The following APLF variants were observed in gnomAD, a reference collection of about 807,000 sequenced individuals.
APLF encodes the protein aprataxin and PNKP like factor, also known as aprataxin and PNK-like factor.
Under a neutral mutation model 55.6 loss-of-function variants are expected in APLF, and 61 were observed. The observed-to-expected ratio is 1.10, with a 90% confidence interval of 0.89 to 1.36. APLF has a LOEUF of 1.36. APLF is among the 40% of genes most tolerant of loss of function. The pLI is 0.00. For missense variants in APLF, 611 were observed against 602.5 expected, an observed-to-expected ratio of 1.01 and a Z score of -0.15; for synonymous variants, 207 against 214.8, an observed-to-expected ratio of 0.96 and a Z score of 0.32.
Position 68,513,582 on chromosome 2 carries a change from A to T in APLF, c.524A>T (p.Gln175Leu). Residue 175 changes from glutamine (Q) to leucine (L), a missense_variant, in exon 5 of 10, where the codon CAG (glutamine) becomes CTG (leucine). Coordinates refer to ENST00000303795, the MANE Select transcript of APLF (RefSeq NM_173545.3). The stretch of plus-strand genomic sequence containing the variant: ...GGTGAAAATAGAGACTGCAATAAGC[A>T]GCAGCCAATCCTTGCCGAGAGGAAA... ...FLGENRDCNK[Q>L]QPILAERKRI... 6.2e-7 allele frequency: 1 copy of T among 1,611,544 alleles called. No homozygotes were observed. The highest frequency in any genetic ancestry group is 1.3e-5 in the African/African-American group (1 of 74,914).
In APLF at chr2:68,579,148, T is replaced by A; in HGVS notation, c.*1126T>A. ...TAAAGGAACCTAAAAATTTATATCT[T>A]AAAAGATCAAAACATATTTATAATA... On this transcript the variant is annotated 3_prime_UTR_variant, in exon 10 of 10. Coordinates refer to ENST00000303795, the MANE Select transcript of APLF (RefSeq NM_173545.3). 1.2e-6 allele frequency: 1 copy of A among 830,722 alleles called. No individual in the cohort carries two copies. The highest frequency in any genetic ancestry group is 1.5e-6 in the Non-Finnish European group (1 of 689,246). The allele number at this position is 830,722 out of a possible 1,614,324, so 51.5% of individuals were successfully genotyped here.
At chr2:68,549,251 G>A (rs762695383) in intron 8 of APLF, among the ~76,000 whole-genome samples, 4 of 151,880 alleles carry the variant, frequency 2.6e-5, no homozygotes, top group Non-Finnish European at 5.9e-5. Flanking sequence ...TTTGCATTTT[G>A]TTGATTGTAT....
intron 9 of APLF, among the ~76,000 whole-genome samples, chr2:68,574,080 T>TAA (rs74533891): frequency 1.2e-4 from 16 of 129,620 alleles, no homozygotes; most frequent in Non-Finnish European, 1.7e-4. Flanking sequence ...TAACCCAAAT[T>TAA]AAAAAAAAAA....
intron 5 of APLF, among the ~76,000 whole-genome samples, chr2:68,516,989 T>C (rs1669606104): frequency 8.1e-6 from 1 of 122,826 alleles, no homozygotes; most frequent in Non-Finnish European, 1.6e-5. Context: ...TAATTATATA[T>C]AATAATATAT....
chr2:68,574,577 A>G (rs536075269), intron 9 of APLF, among the ~76,000 whole-genome samples: 1 of 152,346 alleles, frequency 6.6e-6, no homozygotes, highest in South Asian at 2.1e-4. Flanking sequence ...GCCACGTTGA[A>G]TTCTGTTACA....
intron 6 of APLF, among the ~76,000 whole-genome samples, chr2:68,533,681 G>A (rs1304790286): frequency 6.6e-6 from 1 of 152,122 alleles, no homozygotes; most frequent in Admixed American, 6.5e-5. Context: ...GAATGGCTGG[G>A]GGCTGGCTGG....
In APLF at chr2:68,467,814, G is replaced by C; in HGVS notation, c.83G>C (p.Gly28Ala). 4.1e-6 allele frequency: 5 copies of C among 1,233,326 alleles called. No homozygotes were observed. Among genetic ancestry groups the C allele is most frequent in the Non-Finnish European group, 5.1e-6 (5 of 988,138 alleles). The allele number at this position is 1,233,326 out of a possible 1,614,324, so 76.4% of individuals were successfully genotyped here. ...LAPGETVIGR[G>A]PLLGITDKRV... ...CCCGGGGAGACGGTGATCGGCCGCG[G>C]GCCGCTGCTGGGAGTAAGTGTGGGC... Residue 28 changes from glycine to alanine, a missense_variant, in exon 1 of 10, where the codon GGG (glycine) becomes GCG (alanine). Physicochemically the swap from Gly to Ala is moderately conservative, Grantham distance 60. Transcript: ENST00000303795.
chr2:68,523,546 G>A (rs72835038), intron 5 of APLF, among the ~76,000 whole-genome samples: 2,988 of 151,842 alleles, frequency 0.02, 54 homozygotes, highest in Non-Finnish European at 0.032. Flanking sequence ...AGAAATATAC[G>A]CATGCAATAG....
chr2:68,545,341 C>T (rs1205024271), intron 8 of APLF, 29 bp downstream of exon 8: 3 of 1,590,848 alleles, frequency 1.9e-6, no homozygotes, highest in East Asian at 4.5e-5. Flanking sequence ...TGGCTGCACT[C>T]CTTTTCTTTC....
chr2:68,484,015 C>G (rs1464058964), intron 1 of APLF, among the ~76,000 whole-genome samples: 1 of 152,104 alleles, frequency 6.6e-6, no homozygotes, highest in Non-Finnish European at 1.5e-5. Context: ...TTACTTTATT[C>G]AGGGTTGTTT....
chr2:68,578,619 G>T lies in APLF; in HGVS notation c.*597G>T. On this transcript the variant is annotated 3_prime_UTR_variant, in exon 10 of 10. Coordinates refer to ENST00000303795, the MANE Select transcript of APLF (RefSeq NM_173545.3). ...TTCAACTAGGCTGTAGAAGAGAAAT[G>T]TTCACCATGTAGGGAATGTTATTTT... The T allele has an allele frequency of 1.2e-5, 12 of 985,298 alleles. No individual in the cohort carries two copies. The highest frequency in any genetic ancestry group is 1.4e-5 in the Non-Finnish European group (12 of 829,870). 61.0% of individuals were successfully genotyped at this position (985,298 alleles called of 1,614,324 possible). A position where few individuals can be genotyped will look rare whatever the true frequency, so the allele number is the denominator to read the frequency against.
intron 7 of APLF, 93 bp from the exon 8 acceptor site, chr2:68,545,094 C>T (rs930779801): frequency 6.7e-5 from 95 of 1,425,094 alleles, no homozygotes; most frequent in Non-Finnish European, 2.6e-5. Flanking sequence ...TCAAGGATAG[C>T]CAGATGTGGA....
intron 3 of APLF, among the ~76,000 whole-genome samples, chr2:68,507,316 A>T (rs771383143): frequency 6.6e-6 from 1 of 151,932 alleles, no homozygotes; most frequent in African/African-American, 2.4e-5. Flanking sequence ...TAAGAAAGGG[A>T]TCTGAACCAC....
At chr2:68,544,553 ATTG>A (rs1464550220) in intron 7 of APLF, among the ~76,000 whole-genome samples, 2 of 152,192 alleles carry the variant, frequency 1.3e-5, no homozygotes, top group African/African-American at 2.4e-5. Context: ...AGGGTTTATT[ATTG>A]TTCTATTTAA....
intron 2 of APLF, among the ~76,000 whole-genome samples, chr2:68,492,707 A>G (rs1159312283): frequency 6.6e-6 from 1 of 152,160 alleles, no homozygotes; most frequent in East Asian, 1.9e-4. Context: ...TAAAACCACT[A>G]TGTATGACAT....
intron 8 of APLF, among the ~76,000 whole-genome samples, chr2:68,550,586 G>A (rs1489569851): frequency 6.6e-6 from 1 of 151,784 alleles, no homozygotes; most frequent in Non-Finnish European, 1.5e-5. Flanking sequence ...TTTTGTATTT[G>A]TTTTCTATTT....
chr2:68,471,735 C>A (rs1675623685), intron 1 of APLF, among the ~76,000 whole-genome samples: 1 of 152,062 alleles, frequency 6.6e-6, no homozygotes, highest in Non-Finnish European at 1.5e-5. Flanking sequence ...GATATAATCA[C>A]TGATTTTTAA....
At chr2:68,467,960 C>T (rs1025487503) in intron 1 of APLF, 133 bp downstream of exon 1, 14 of 604,076 alleles carry the variant, frequency 2.3e-5, no homozygotes, top group Non-Finnish European at 3.4e-5. Context: ...AGTTTGGGGC[C>T]GCACGTTTTT....
chr2:68,488,394 G>A (rs184850265), intron 1 of APLF, among the ~76,000 whole-genome samples: 25 of 148,244 alleles, frequency 1.7e-4, no homozygotes, highest in African/African-American at 5.8e-4. Context: ...GCAGTGGCAC[G>A]ATCATGGCTC....
Sources: allele counts gnomAD v4.1 joint callset (sites outside exome capture counted in the v4.1 genomes callset), GRCh38; gene constraint gnomAD v4.1.1; transcripts MANE v1.5; gene names NCBI Gene and HGNC (gene_info 2026-07-23, HGNC 2026-07-21).